The following SOBP variants were observed in gnomAD, a reference collection of about 807,000 sequenced individuals.
SOBP encodes sine oculis-binding protein homolog.
A neutral mutation model predicts 53.6 loss-of-function variants in SOBP; 4 were observed. That is an observed-to-expected ratio of 0.07 (90% CI 0.04 to 0.17). The LOEUF is 0.17. Ranked by LOEUF, SOBP falls within the 10% of genes least tolerant of loss-of-function variation. The pLI is 1.00. For missense variants in SOBP, 1,088 were observed against 1,204.7 expected, an observed-to-expected ratio of 0.90 and a Z score of 1.43; for synonymous variants, 584 against 522.6, an observed-to-expected ratio of 1.12 and a Z score of -1.60.
chr6:107,574,473 T>C (rs1785166616), intron 4 of SOBP, among the ~76,000 whole-genome samples: 1 of 152,180 alleles, frequency 6.6e-6, no homozygotes, highest in Non-Finnish European at 1.5e-5. Flanking sequence ...TTACTTTGAT[T>C]ATGGGATCAC....
At chr6:107,574,685 C>T (rs948510637) in intron 4 of SOBP, among the ~76,000 whole-genome samples, 2 of 152,174 alleles carry the variant, frequency 1.3e-5, no homozygotes, top group Non-Finnish European at 2.9e-5. Context: ...CATCCTCGTT[C>T]TCCCATCCTT....
At chr6:107,532,681 T>C (rs899687549) in intron 3 of SOBP, among the ~76,000 whole-genome samples, 5 of 152,174 alleles carry the variant, frequency 3.3e-5, no homozygotes, top group African/African-American at 1.2e-4. Flanking sequence ...TGACATGACA[T>C]GAGGGGCTGG....
intron 4 of SOBP, among the ~76,000 whole-genome samples, chr6:107,535,373 ATACT>A (rs1783963097): frequency 6.6e-6 from 1 of 152,214 alleles, no homozygotes; most frequent in Non-Finnish European, 1.5e-5. Context: ...AGCATTTGAA[ATACT>A]TACAGCAGGT....
rs79789455 is a variant in SOBP at position 107,519,769 on chromosome 6, G to T, written c.421+13342G>T. 3.5e-3 allele frequency among the ~76,000 whole-genome samples: 530 copies of T among 152,282 alleles called. 1 individual carries two copies. The highest frequency in any genetic ancestry group is 6.1e-3 in the Non-Finnish European group (412 of 68,022). ...AATTGAACACCAGTCTCCCTTAGCA[G>T]TAGCCAACTAAATAGCACATCCTTC... is the stretch of plus-strand genomic sequence containing the variant. On this transcript the variant is annotated intron_variant, in intron 3 of 6. Coordinates refer to ENST00000317357, the MANE Select transcript of SOBP (RefSeq NM_018013.4).
intron 4 of SOBP, among the ~76,000 whole-genome samples, chr6:107,562,868 AAAG>A (rs1455724590): frequency 1.3e-5 from 2 of 152,246 alleles, no homozygotes; most frequent in Non-Finnish European, 2.9e-5. Flanking sequence ...AGTAAGAAAA[AAAG>A]AAGGGATAGA....
chr6:107,541,811 G>C (rs1338901421), intron 4 of SOBP, among the ~76,000 whole-genome samples: 1 of 152,020 alleles, frequency 6.6e-6, no homozygotes, highest in African/African-American at 2.4e-5. Context: ...ATAAACTGTA[G>C]GATTGTATGT....
intron 4 of SOBP, among the ~76,000 whole-genome samples, chr6:107,545,852 G>A (rs1317151976): frequency 6.6e-6 from 1 of 152,058 alleles, no homozygotes; most frequent in African/African-American, 2.4e-5. Context: ...GCTGAAAATG[G>A]CTAACAGCAG....
In SOBP at chr6:107,635,488, C is replaced by T. The variant is rs779835393; in HGVS notation, c.*3+19C>T. On this transcript the variant is annotated intron_variant, in intron 6 of 6. Coordinates refer to ENST00000317357, the MANE Select transcript of SOBP (RefSeq NM_018013.4). This position sits in a 1 kb window ranked among gnomAD's most constrained non-coding sequence, Gnocchi z 4.5. ...GTAAAAGGTTTGTATGTCCGCCGGG[C>T]GCTCCTCCACACCAGCCAGTGCACC... The T allele has an allele frequency of 3.1e-6, 5 of 1,611,268 alleles. No homozygotes were observed. The highest frequency in any genetic ancestry group is 4.2e-6 in the Non-Finnish European group (5 of 1,179,962).
chr6:107,521,205 C>G (rs1429098010), intron 3 of SOBP, among the ~76,000 whole-genome samples: 1 of 148,444 alleles, frequency 6.7e-6, no homozygotes, highest in Non-Finnish European at 1.5e-5. Context: ...CCTAATTTCT[C>G]TCCACTTTAC....
At chr6:107,644,607 G>A (rs1027292893) in intron 6 of SOBP, among the ~76,000 whole-genome samples, 4 of 152,076 alleles carry the variant, frequency 2.6e-5, no homozygotes, top group African/African-American at 9.7e-5. Flanking sequence ...CAGGCCCCTG[G>A]GGCTCACACT....
intron 2 of SOBP, among the ~76,000 whole-genome samples, chr6:107,505,153 T>C (rs1249544003): frequency 6.6e-6 from 1 of 152,222 alleles, no homozygotes; most frequent in East Asian, 1.9e-4. Context: ...CCTGTTTCTT[T>C]CTCATTGGTT....
At chr6:107,543,135 C>T (rs181686668) in intron 4 of SOBP, among the ~76,000 whole-genome samples, 1 of 152,106 alleles carries the variant, frequency 6.6e-6, no homozygotes, top group African/African-American at 2.4e-5. Flanking sequence ...CAGAAGACCT[C>T]AACAATAAAA....
intron 3 of SOBP, among the ~76,000 whole-genome samples, chr6:107,518,906 C>T (rs1279141838): frequency 3.3e-5 from 5 of 151,952 alleles, no homozygotes; most frequent in Non-Finnish European, 7.4e-5. Flanking sequence ...CCTTTTTAAT[C>T]CTATATTTAG....
At chr6:107,641,422 G>A (rs1370763156) in intron 6 of SOBP, among the ~76,000 whole-genome samples, 1 of 152,184 alleles carries the variant, frequency 6.6e-6, no homozygotes, top group Non-Finnish European at 1.5e-5. Context: ...AAATTTGTAC[G>A]ATACAGGGAG....
Position 107,506,397 on chromosome 6 carries a change from A to G in SOBP, c.391A>G (p.Ile131Val), listed in dbSNP as rs1782993205. 1 of 1,614,162 alleles carries G rather than the reference A, an allele frequency of 6.2e-7. No individual in the cohort carries two copies. Among genetic ancestry groups the G allele is most frequent in the Non-Finnish European group, 8.5e-7 (1 of 1,180,028 alleles). The change falls in exon 3 of 7, where the codon ATT becomes GTT. Residue 131 changes from isoleucine (I) to valine (V), a missense_variant. Coordinates refer to ENST00000317357, the MANE Select transcript of SOBP (RefSeq NM_018013.4). ...CAGTGTGCCCATTATTGTACCTTTA[A>G]TTCCACCACCTTTCATAAAGCCACC... ...HGSVPIIVPL[I>V]PPPFIKPPAE...
At chr6:107,551,833 C>A (rs1488137878) in intron 4 of SOBP, among the ~76,000 whole-genome samples, 1 of 152,128 alleles carries the variant, frequency 6.6e-6, no homozygotes, top group Non-Finnish European at 1.5e-5. Flanking sequence ...CCAGCCTCAA[C>A]AACATGGTGA....
chr6:107,511,649 T>TCTC (rs1373820465), intron 3 of SOBP: 1 of 152,168 alleles, frequency 6.6e-6, no homozygotes, highest in Non-Finnish European at 1.5e-5. Context: ...GGATTTCCAC[T>TCTC]CTCCTTTCTC....
chr6:107,526,593 A>G (rs1377032676), intron 3 of SOBP, among the ~76,000 whole-genome samples: 3 of 152,152 alleles, frequency 2.0e-5, no homozygotes, highest in Non-Finnish European at 2.9e-5. Flanking sequence ...CTCTTACTGC[A>G]TTCTGCCTGT....
chr6:107,595,905 A>G (rs1785930813), intron 5 of SOBP, among the ~76,000 whole-genome samples: 1 of 152,174 alleles, frequency 6.6e-6, no homozygotes, highest in Non-Finnish European at 1.5e-5. Flanking sequence ...GGTTCAGGAA[A>G]ACAAGATTCT....
Sources: gnomAD v4.1 joint callset for allele counts (sites outside exome capture counted in the v4.1 genomes callset) on GRCh38, gnomAD v4.1.1 for gene constraint, Gnocchi (gnomAD v3.1) non-coding constraint, MANE v1.5 for transcripts, NCBI Gene and HGNC (gene_info 2026-07-23, HGNC 2026-07-21) for gene names.